The following ASTN2 variants were observed in gnomAD, a reference collection of about 807,000 sequenced individuals.
ASTN2 encodes the protein astrotactin-2.
Under a neutral mutation model 139.8 loss-of-function variants are expected in ASTN2, and 54 were observed. The observed-to-expected ratio is 0.39, with a 90% CI of 0.31 to 0.48. The LOEUF (loss-of-function observed/expected upper bound fraction) is 0.48. ASTN2 is among the 20% of genes least tolerant of loss of function. The pLI is 0.95. For synonymous variants in ASTN2, 756 were observed against 719.5 expected, an observed-to-expected ratio of 1.05 and a Z score of -0.81; for missense variants, 1,565 against 1,725.1, an observed-to-expected ratio of 0.91 and a Z score of 1.64.
At chr9:116,921,872 C>G (rs1371931870) in intron 10 of ASTN2, among the ~76,000 whole-genome samples, 1 of 152,160 alleles carries the variant, frequency 6.6e-6, no homozygotes, top group African/African-American at 2.4e-5. Flanking sequence ...CTGGGTCCCT[C>G]TCTTGACACA....
chr9:116,605,068 CAAGGG>C (rs1855120319), intron 19 of ASTN2, among the ~76,000 whole-genome samples: 1 of 151,042 alleles, frequency 6.6e-6, no homozygotes, highest in Non-Finnish European at 1.5e-5. Flanking sequence ...AGAGAGCCAC[CAAGGG>C]AAGCCGACAC....
intron 12 of ASTN2, among the ~76,000 whole-genome samples, chr9:116,812,299 G>C (rs1480358844): frequency 6.6e-6 from 1 of 152,158 alleles, no homozygotes; most frequent in Non-Finnish European, 1.5e-5. Context: ...AAAGAATTTT[G>C]AGCTGGAAAG....
chr9:116,920,332 A>T (rs190969248), intron 10 of ASTN2, among the ~76,000 whole-genome samples: 7 of 152,342 alleles, frequency 4.6e-5, no homozygotes, highest in African/African-American at 1.7e-4. Context: ...GCTTAAAAGC[A>T]GAAGAATGGT....
chr9:116,518,009 T>C (rs935452962), intron 19 of ASTN2, among the ~76,000 whole-genome samples: 1 of 152,172 alleles, frequency 6.6e-6, no homozygotes, highest in Non-Finnish European at 1.5e-5. Context: ...TTTGGGACTA[T>C]GCTAAACATC....
chr9:117,403,851 G>A (rs1830907646), intron 1 of ASTN2, among the ~76,000 whole-genome samples: 1 of 152,010 alleles, frequency 6.6e-6, no homozygotes, highest in African/African-American at 2.4e-5. Flanking sequence ...GCTTCCCCCA[G>A]CTTCCCCCAG....
rs1326351289 is a variant in ASTN2, at chr9:116,670,458, ATGTAT to A, written c.2807-18670_2807-18666del. On this transcript the variant is annotated intron_variant, in intron 16 of 22. Transcript: ENST00000313400. ...GGCATAAGCCACCGCACCTGGCCTTATGTATTGTATTTTTAAAAAGCAATAACATT... is the reference window on the plus strand; with the variant it reads ...GGCATAAGCCACCGCACCTGGCCTTATGTATTTTTAAAAAGCAATAACATT... Among the ~76,000 whole-genome samples the A allele has an allele frequency of 7.2e-5, 11 of 152,352 alleles. No individual in the cohort carries two copies. The East Asian group carries it at 2.1e-3, about 29-fold the overall frequency.
chr9:116,613,134 A>T (rs1011647869), intron 19 of ASTN2: 4 of 152,228 alleles, frequency 2.6e-5, no homozygotes, highest in Non-Finnish European at 5.9e-5. Context: ...AGAAATGGAT[A>T]AATTCCTGGA....
intron 5 of ASTN2, among the ~76,000 whole-genome samples, chr9:117,095,088 C>A (rs909402492): frequency 3.3e-5 from 5 of 152,198 alleles, no homozygotes; most frequent in Admixed American, 2.6e-4. Flanking sequence ...GAGAGAAGGA[C>A]CAGTTTCCCT....
In ASTN2 at chr9:116,850,221, C is replaced by T. The variant is rs114041327; in HGVS notation, c.2040+13362G>A. On this transcript the variant is annotated intron_variant, in intron 11 of 22. Coordinates refer to ENST00000313400, the MANE Select transcript of ASTN2 (RefSeq NM_001365068.1). ...GCCCTTCAAGGTTTTATTCCCAAGG[C>T]CTCCCCAGTAGCCTGTCTGACTGTT... Among the ~76,000 whole-genome samples, 628 of 152,282 alleles carry T rather than the reference C, an allele frequency of 4.1e-3. 2 individuals are homozygous for T. Among genetic ancestry groups the T allele is most frequent in the African/African-American group, 0.015 (614 of 41,562 alleles).
intron 19 of ASTN2, among the ~76,000 whole-genome samples, chr9:116,492,827 A>G (rs1849558358): frequency 6.6e-6 from 1 of 152,182 alleles, no homozygotes; most frequent in Non-Finnish European, 1.5e-5. Flanking sequence ...GTACATTTCT[A>G]ATATGTCATA....
intron 3 of ASTN2, among the ~76,000 whole-genome samples, chr9:117,165,496 G>A (rs1264034140): frequency 6.6e-6 from 1 of 151,984 alleles, no homozygotes; most frequent in Non-Finnish European, 1.5e-5. Context: ...TCTAAACTGC[G>A]GCTCCTCTTT....
intron 4 of ASTN2, among the ~76,000 whole-genome samples, chr9:117,118,270 C>A (rs13290873): frequency 2.0e-5 from 3 of 152,232 alleles, no homozygotes; most frequent in African/African-American, 7.2e-5. Context: ...TTTGCCCTTC[C>A]TAAGACAGCT....
chr9:116,685,615 C>A (rs1860154913), intron 16 of ASTN2, among the ~76,000 whole-genome samples: 1 of 152,092 alleles, frequency 6.6e-6, no homozygotes, highest in African/African-American at 2.4e-5. Flanking sequence ...AAGAGGAATT[C>A]TAATATTGTG....
rs1337350610 is a variant in ASTN2 at position 116,451,164 on chromosome 9, C to T, written c.3498-8611G>A. Among the ~76,000 whole-genome samples, 6 of 152,300 alleles carry T rather than the reference C, an allele frequency of 3.9e-5. No homozygotes were observed. The South Asian group carries it at 1.2e-3, about 32-fold the overall frequency. On this transcript the variant is annotated intron_variant, in intron 20 of 22. Coordinates refer to ENST00000313400, the MANE Select transcript of ASTN2 (RefSeq NM_001365068.1). ...GGCAGAGGTGACAGCAACCTGGAAACGGTGCTAGGCATCCACTGTTCTGAC... is the reference window on the plus strand; with the variant it reads ...GGCAGAGGTGACAGCAACCTGGAAATGGTGCTAGGCATCCACTGTTCTGAC...
At chr9:117,241,558 T>C (rs896289701) in intron 2 of ASTN2, among the ~76,000 whole-genome samples, 3 of 152,192 alleles carry the variant, frequency 2.0e-5, no homozygotes, top group Non-Finnish European at 4.4e-5. Flanking sequence ...ACAGGGAGTG[T>C]GCAACCTAGA....
intron 6 of ASTN2, among the ~76,000 whole-genome samples, chr9:117,019,493 G>C (rs1445188336): frequency 6.6e-6 from 1 of 152,064 alleles, no homozygotes; most frequent in Non-Finnish European, 1.5e-5. Flanking sequence ...TAATAACAGG[G>C]AACTGCAGCC....
At chr9:116,482,403 T>C (rs1849199516) in intron 20 of ASTN2, among the ~76,000 whole-genome samples, 1 of 152,140 alleles carries the variant, frequency 6.6e-6, no homozygotes. Flanking sequence ...ATAGTACACA[T>C]ACCTTAGAAT....
At chr9:116,667,697 T>C (rs1858951207) in intron 16 of ASTN2, among the ~76,000 whole-genome samples, 1 of 152,194 alleles carries the variant, frequency 6.6e-6, no homozygotes, top group Non-Finnish European at 1.5e-5. Flanking sequence ...TTATGTACTG[T>C]TTTGATTCTT....
intron 5 of ASTN2, among the ~76,000 whole-genome samples, chr9:117,075,509 G>A (rs1303896490): frequency 6.9e-6 from 1 of 145,454 alleles, no homozygotes; most frequent in Non-Finnish European, 1.5e-5. Flanking sequence ...GGAGGGGGAG[G>A]AGGAGGAGGG....
Sources: allele counts gnomAD v4.1 joint callset (sites outside exome capture counted in the v4.1 genomes callset), GRCh38; gene constraint gnomAD v4.1.1; transcripts MANE v1.5; gene names NCBI Gene and HGNC (gene_info 2026-07-23, HGNC 2026-07-21).